Variants in MEF2B observed in about 807,000 individuals in gnomAD.
MEF2B encodes myocyte-specific enhancer factor 2B.
MEF2B carries 15 observed loss-of-function variants against 32.2 expected under a neutral mutation model. The ratio of observed to expected loss-of-function variants is 0.47; its 90% CI spans 0.31 to 0.72. MEF2B has a LOEUF of 0.72. Among genes scored for constraint, MEF2B ranks in the 30% least tolerant of loss-of-function variants. The probability of loss-of-function intolerance (pLI) is 0.05; values close to 1 mark genes in which losing one functional copy is unlikely to be tolerated. For missense variants in MEF2B, 441 were observed against 511.5 expected, an observed-to-expected ratio of 0.86 and a Z score of 1.33; for synonymous variants, 205 against 225.6, an observed-to-expected ratio of 0.91 and a Z score of 0.82.
chr19:19,157,904 T>A (rs758119608), intron 1 of MEF2B, among the ~76,000 whole-genome samples: 10 of 152,048 alleles, frequency 6.6e-5, no homozygotes, highest in Non-Finnish European at 1.2e-4. Flanking sequence ...AGACAGCACT[T>A]TGGTCACCCT....
intron 1 of MEF2B, among the ~76,000 whole-genome samples, chr19:19,156,710 G>C (rs1318405123): frequency 6.6e-6 from 1 of 152,046 alleles, no homozygotes; most frequent in Non-Finnish European, 1.5e-5. Flanking sequence ...GGAGTTCAGT[G>C]GTGCAATTAT....
chr19:19,148,328 G>T (rs531529970), intron 3 of MEF2B, among the ~76,000 whole-genome samples: 15 of 152,362 alleles, frequency 9.8e-5, no homozygotes, highest in African/African-American at 3.6e-4. Flanking sequence ...AGCCAGGCAT[G>T]GTGGCGTATG....
Position 19,146,731 on chromosome 19 carries a change from C to T in MEF2B, c.675+11G>A. ...CCCTCATCAGCCCTGCCACACCCTC[C>T]CCTCACTCACGGAGGTGTTTAGTCC... is the stretch of plus-strand genomic sequence containing the variant. On this transcript the variant is annotated intron_variant, in intron 6 of 8. Transcript: ENST00000424583. 1 of 1,614,000 alleles carries T rather than the reference C, an allele frequency of 6.2e-7. No homozygotes were observed.
rs757542272 is a variant in MEF2B at position 19,145,918 on chromosome 19, C to G, written c.986G>C (p.Gly329Ala). The change falls in exon 9 of 9, where the codon GGC becomes GCC. Residue 329 changes from glycine (G) to alanine (A), a missense_variant. This residue lies in a region of MEF2B where 326 missense variants were observed against 328.4 expected (regional missense o/e 0.99). Transcript: ENST00000424583. This position sits in a 1 kb window ranked among gnomAD's most constrained non-coding sequence, Gnocchi z 4.6. ...GAAGGTCTTAGGAAAGTCGCCGGGG[C>G]CCCCGGGGGCCGGAGAGAGGCGCTC... ...KSERLSPAPGGPGDFPKTFPY... is the reference protein window; with the variant it reads ...KSERLSPAPGAPGDFPKTFPY... 1 of 1,438,576 alleles carries G rather than the reference C, an allele frequency of 7.0e-7. No homozygotes were observed. The highest frequency in any genetic ancestry group is 2.9e-5 in the Admixed American group (1 of 34,078). 89.1% of individuals were successfully genotyped at this position (1,438,576 alleles called of 1,614,324 possible).
chr19:19,166,564 T>C (rs1240121234), intron 1 of MEF2B, among the ~76,000 whole-genome samples: 1 of 142,658 alleles, frequency 7.0e-6, no homozygotes, highest in Admixed American at 7.4e-5. Flanking sequence ...AAGACCAGCC[T>C]GAGCAACATA....
At chr19:19,168,434 C>T (rs902758397) in intron 1 of MEF2B, among the ~76,000 whole-genome samples, 5 of 151,126 alleles carry the variant, frequency 3.3e-5, no homozygotes, top group African/African-American at 4.9e-5. Context: ...CCATCATGGC[C>T]GGCTAATTTT....
intron 1 of MEF2B, among the ~76,000 whole-genome samples, chr19:19,159,967 CTT>C (rs940709586): frequency 5.8e-4 from 77 of 132,200 alleles, no homozygotes; most frequent in African/African-American, 1.6e-3. Context: ...GTCTACTGAA[CTT>C]TTTTTTTTTT....
At chr19:19,165,651 G>A (rs143277951) in intron 1 of MEF2B, among the ~76,000 whole-genome samples, 25 of 152,260 alleles carry the variant, frequency 1.6e-4, no homozygotes, top group Non-Finnish European at 5.9e-5. Context: ...AGGGAGCCAT[G>A]GAAGGTGTGT....
At chr19:19,165,107 T>C (rs1456563636) in intron 1 of MEF2B, among the ~76,000 whole-genome samples, 4 of 151,828 alleles carry the variant, frequency 2.6e-5, no homozygotes, top group Admixed American at 2.6e-4. Context: ...CGCAGAAATG[T>C]CTAGGAGCCC....
At chr19:19,150,399 C>T (rs1246777506) in intron 2 of MEF2B, among the ~76,000 whole-genome samples, 2 of 151,844 alleles carry the variant, frequency 1.3e-5, no homozygotes, top group South Asian at 2.1e-4. Flanking sequence ...TGGTGGTGCG[C>T]ACCCGTAATC....
intron 1 of MEF2B, among the ~76,000 whole-genome samples, chr19:19,166,314 C>T (rs1056475893): frequency 6.6e-6 from 1 of 152,138 alleles, no homozygotes. Context: ...AGGGTAACCA[C>T]ACAAGTCCCC....
intron 1 of MEF2B, among the ~76,000 whole-genome samples, chr19:19,161,403 C>T (rs1259971359): frequency 6.6e-6 from 1 of 151,954 alleles, no homozygotes; most frequent in African/African-American, 2.4e-5. Context: ...AACAACAGAT[C>T]CCCCAAATAC....
intron 1 of MEF2B, among the ~76,000 whole-genome samples, 188 bp from the exon 2 acceptor site, chr19:19,150,952 A>G (rs575229525): frequency 1.3e-5 from 2 of 152,284 alleles, no homozygotes; most frequent in South Asian, 4.1e-4. Context: ...TAGAGGCTCA[A>G]TGAACATGTT....
At chr19:19,150,807 G>A in intron 1 of MEF2B, 43 bp from the exon 2 acceptor site, 1 of 1,608,572 alleles carries the variant, frequency 6.2e-7, no homozygotes. Context: ...TGGGTGGAGA[G>A]TGGGGAGGGG....
In MEF2B at chr19:19,145,965, G is replaced by A; in HGVS notation, c.939C>T (p.Thr313=). 6.9e-7 allele frequency: 1 copy of A among 1,441,440 alleles called. No individual in the cohort carries two copies. The allele number at this position is 1,441,440 out of a possible 1,614,324, so 89.3% of individuals were successfully genotyped here. A position where few individuals can be genotyped will look rare whatever the true frequency, so the allele number is the denominator to read the frequency against. ...GCTCAGACTTGATGCTGACTGGGGG[G>A]GTCGGCGGGGAGGCGCCGCGGGTTG... ...GPPTRGASPP[T]PPVSIKSERL... The change falls in exon 9 of 9, where the codon ACC becomes ACT. Residue 313 remains threonine (T), a synonymous_variant. Transcript: ENST00000424583. This position sits in a 1 kb window ranked among gnomAD's most constrained non-coding sequence, Gnocchi z 4.6.
chr19:19,164,804 G>C (rs1044409980), intron 1 of MEF2B, among the ~76,000 whole-genome samples: 3 of 152,296 alleles, frequency 2.0e-5, no homozygotes, highest in East Asian at 1.9e-4. Flanking sequence ...TGACCCTGCT[G>C]TCCCATGCAG....
intron 1 of MEF2B, among the ~76,000 whole-genome samples, chr19:19,163,459 T>C (rs964079293): frequency 6.6e-6 from 1 of 152,058 alleles, no homozygotes; most frequent in Admixed American, 6.6e-5. Flanking sequence ...CAAATTCAAC[T>C]CTTTCTGCAG....
rs112224911 is a variant in MEF2B, at chr19:19,150,980, G to A, written c.-29-216C>T. On this transcript the variant is annotated intron_variant, in intron 1 of 8. Transcript: ENST00000424583. ...AACATGTTTAGACCAAATGGGGCAT[G>A]GTGGCTCATGCCTGTGATCCCTAGC... 9.7e-3 allele frequency among the ~76,000 whole-genome samples: 1,478 copies of A among 152,300 alleles called. 27 individuals carry two copies. The highest frequency in any genetic ancestry group is 0.033 in the African/African-American group (1,374 of 41,570).
chr19:19,169,735 C>T (rs944112554), intron 1 of MEF2B, among the ~76,000 whole-genome samples: 7 of 152,158 alleles, frequency 4.6e-5, no homozygotes, highest in Admixed American at 1.3e-4. Flanking sequence ...GTTGCTCCCC[C>T]GTTCCAAGGT....
Sources: allele counts gnomAD v4.1 joint callset (sites outside exome capture counted in the v4.1 genomes callset), GRCh38; gene constraint gnomAD v4.1.1; regional missense constraint gnomAD v4.1.1; non-coding constraint Gnocchi (gnomAD v3.1); transcripts MANE v1.5; gene names NCBI Gene and HGNC (gene_info 2026-07-23, HGNC 2026-07-21).